Variants in DNAJC28 observed in about 807,000 individuals in gnomAD.
DNAJC28 encodes dnaJ homolog subfamily C member 28.
Under a neutral mutation model 33.3 loss-of-function variants are expected in DNAJC28, and 24 were observed. That is an observed-to-expected ratio of 0.72 (90% CI 0.52 to 1.01). The LOEUF is 1.01. DNAJC28 is among the 50% of genes least tolerant of loss of function. The pLI, the probability that DNAJC28 is intolerant of heterozygous loss-of-function variation, is 0.00. For synonymous variants in DNAJC28, 120 were observed against 147.2 expected (o/e 0.82, Z 1.34); for missense variants, 442 against 455.2 (o/e 0.97, Z 0.26).
intron 1 of DNAJC28, among the ~76,000 whole-genome samples, chr21:33,489,825 G>T (rs1405614002): frequency 8.2e-6 from 1 of 122,068 alleles, no homozygotes; most frequent in African/African-American, 3.2e-5. Context: ...ACAGGGTCTT[G>T]CTCTGTTGCC....
Position 33,488,952 on chromosome 21 carries a change from T to C in DNAJC28, c.442A>G (p.Thr148Ala), listed in dbSNP as rs1223902034. Residue 148 changes from threonine to alanine, a missense_variant, in exon 2 of 2, where the codon ACT becomes GCT. Thr to Ala is a moderately conservative substitution (Grantham distance 58). Coordinates refer to ENST00000381947, the MANE Select transcript of DNAJC28 (RefSeq NM_001040192.3). ...SFEGIGFGTP[T>A]QREKHYRQFR... ...TGCCTATAATGCTTCTCTCGTTGAG[T>C]TGGAGTCCCAAAACCAATACCTTCA... 8 of 1,613,754 alleles carry C rather than the reference T, an allele frequency of 5.0e-6. No homozygotes were observed. The highest frequency in any genetic ancestry group is 3.3e-5 in the South Asian group (3 of 91,052).
In DNAJC28 at chr21:33,488,238, G is replaced by A. The variant is rs775774536; in HGVS notation, c.1156C>T (p.Arg386Ter). Reference sequence around the variant, plus strand: ...TATGATAGTAAACATCAAAATGATCGTATTTTAATAAATTTCCACAGATTC... The same window carrying A: ...TATGATAGTAAACATCAAAATGATCATATTTTAATAAATTTCCACAGATTC... ...WMNLWKFIKI[R>*]SF is the part of the protein sequence containing the mutation. Residue 386 changes from arginine (R) to a stop codon, truncating the protein, a stop_gained, in exon 2 of 2, where the codon CGA (arginine) becomes TGA (stop). Transcript: ENST00000381947. LOFTEE classifies it high-confidence loss of function. 5.1e-5 allele frequency: 77 copies of A among 1,498,778 alleles called. No individual in the cohort carries two copies. The highest frequency in any genetic ancestry group is 1.9e-4 in the Middle Eastern group (1 of 5,342). 92.8% of individuals were successfully genotyped at this position (1,498,778 alleles called of 1,614,324 possible).
rs754017109 is a variant in DNAJC28 at position 33,488,783 on chromosome 21, A to G, written c.611T>C (p.Val204Ala). The change falls in exon 2 of 2, where the codon GTG becomes GCG. Residue 204 changes from valine to alanine, a missense_variant. Coordinates refer to ENST00000381947, the MANE Select transcript of DNAJC28 (RefSeq NM_001040192.3). ...QKITQAIERLVEDLIQESMAK... is the reference protein window; with the variant it reads ...QKITQAIERLAEDLIQESMAK... ...CATGGATTCTTGAATGAGGTCCTCCACTAAACGTTCTATAGCTTGCGTTAT... is the reference window on the plus strand; with the variant it reads ...CATGGATTCTTGAATGAGGTCCTCCGCTAAACGTTCTATAGCTTGCGTTAT... 1 of 1,613,758 alleles carries G rather than the reference A, an allele frequency of 6.2e-7. No homozygotes were observed. The highest frequency in any genetic ancestry group is 8.5e-7 in the Non-Finnish European group (1 of 1,179,956).
intron 1 of DNAJC28, 143 bp from the exon 2 acceptor site, chr21:33,489,567 C>CT (rs769632462): frequency 0.083 from 29,750 of 356,952 alleles, 912 homozygotes; most frequent in African/African-American, 0.22. Flanking sequence ...CAACTTTTTC[C>CT]TTTTTTTTTT....
In DNAJC28 at chr21:33,489,235, A is replaced by G. The variant is rs749332664; in HGVS notation, c.159T>C (p.Tyr53=). Residue 53 remains tyrosine, a synonymous_variant, in exon 2 of 2, where the codon TAT becomes TAC. Transcript: ENST00000381947. ...HKSKKKIREY[Y]RLLNVEEGCS... Reference sequence around the variant, plus strand: ...ATCCTTCCTCCACGTTCAGCAGTCTATAATATTCTCTGATCTTCTTTTTGG... The same window carrying G: ...ATCCTTCCTCCACGTTCAGCAGTCTGTAATATTCTCTGATCTTCTTTTTGG... 71 of 1,601,810 alleles carry G rather than the reference A, an allele frequency of 4.4e-5. No homozygotes were observed. The highest frequency in any genetic ancestry group is 5.7e-5 in the Non-Finnish European group (67 of 1,176,580).
chr21:33,488,530 A>T lies in DNAJC28; in HGVS notation c.864T>A (p.Thr288=). 1 of 1,612,990 alleles carries T rather than the reference A, an allele frequency of 6.2e-7. No homozygotes were observed. ...AAACATGGTTCCACTGTTTCTTTTC[A>T]GTTGGTGTCATTGGATTCCCAAGTT... ...RKKLGNPMTP[T]EKKQWNHVCE... The change falls in exon 2 of 2, where the codon ACT becomes ACA. Residue 288 remains threonine, a synonymous_variant. Coordinates refer to ENST00000381947, the MANE Select transcript of DNAJC28 (RefSeq NM_001040192.3).
rs750095576 is a variant in DNAJC28 at position 33,489,313 on chromosome 21, T to G, written c.81A>C (p.Lys27Asn). The change falls in exon 2 of 2, where the codon AAA becomes AAC. Residue 27 changes from lysine to asparagine, a missense_variant. Transcript: ENST00000381947. ...IKATVIPNRV[K>N]MLPYFGIIRN... Reference sequence around the variant, plus strand: ...TAATGATACCAAAATATGGAAGCATTTTCACTCGATTAGGAATCACTGTAG... The same window carrying G: ...TAATGATACCAAAATATGGAAGCATGTTCACTCGATTAGGAATCACTGTAG... 7 of 1,586,978 alleles carry G rather than the reference T, an allele frequency of 4.4e-6. No homozygotes were observed. In the East Asian group the frequency reaches 1.3e-4, roughly 30 times the overall value.
chr21:33,488,983 TA>T lies in DNAJC28; in HGVS notation c.410del (p.Leu137Ter). On this transcript the variant is annotated frameshift_variant, in exon 2 of 2. Transcript: ENST00000381947. LOFTEE classifies it high-confidence loss of function. ...KYKTPQHRHY[L>X]SFEGIGFGTP... The stretch of plus-strand genomic sequence containing the variant: ...TCCCAAAACCAATACCTTCAAAACT[TA>T]AATAATGTCGGTGTTGGGGTGTTTT... The T allele has an allele frequency of 6.2e-7, 1 of 1,613,924 alleles. No individual in the cohort carries two copies. The highest frequency in any genetic ancestry group is 8.5e-7 in the Non-Finnish European group (1 of 1,180,016).
In DNAJC28 at chr21:33,489,010, A is replaced by G. The variant is rs1327241901; in HGVS notation, c.384T>C (p.Tyr128=). The G allele has an allele frequency of 6.2e-7, 1 of 1,612,232 alleles. No homozygotes were observed. Residue 128 remains tyrosine (Y), a synonymous_variant, in exon 2 of 2, where the codon TAT becomes TAC. Coordinates refer to ENST00000381947, the MANE Select transcript of DNAJC28 (RefSeq NM_001040192.3). ...AATAATGTCGGTGTTGGGGTGTTTTATATTTGAATTTTTCTACATCTTCTT... is the reference window on the plus strand; with the variant it reads ...AATAATGTCGGTGTTGGGGTGTTTTGTATTTGAATTTTTCTACATCTTCTT... The part of the protein sequence containing the change: ...EEEEDVEKFK[Y]KTPQHRHYLS...
intron 1 of DNAJC28, among the ~76,000 whole-genome samples, chr21:33,489,707 G>C (rs1052248856): frequency 3.3e-5 from 5 of 151,428 alleles, no homozygotes; most frequent in African/African-American, 9.7e-5. Context: ...GCCCAGGCTG[G>C]TCTGGATATC....
At chr21:33,491,324 A>G (rs2084521453) in intron 1 of DNAJC28, 1 of 152,242 alleles carries the variant, frequency 6.6e-6, no homozygotes. Context: ...GAGACCCCCT[A>G]TTTTCTAGGC....
In DNAJC28 at chr21:33,488,577, CCTCT is replaced by C; in HGVS notation, c.813_816del (p.Glu272GlnfsTer3). 6.2e-7 allele frequency: 1 copy of C among 1,613,560 alleles called. No homozygotes were observed. ...AGTTTTTTCCTAGACACTAAAATTG[CCTCT>C]CTGAGTTGCTCAATAGTATCGCTTA... On this transcript the variant is annotated frameshift_variant, in exon 2 of 2. Coordinates refer to ENST00000381947, the MANE Select transcript of DNAJC28 (RefSeq NM_001040192.3). LOFTEE classifies it high-confidence loss of function.
In DNAJC28 at chr21:33,488,768, T is replaced by TG. The variant is rs772388148; in HGVS notation, c.625dup (p.Gln209ProfsTer10). On this transcript the variant is annotated frameshift_variant, in exon 2 of 2. Coordinates refer to ENST00000381947, the MANE Select transcript of DNAJC28 (RefSeq NM_001040192.3). LOFTEE classifies it high-confidence loss of function. The stretch of plus-strand genomic sequence containing the variant: ...AAAGTCTCCTTTTGCCATGGATTCT[T>TG]GAATGAGGTCCTCCACTAAACGTTC... 1.9e-6 allele frequency: 3 copies of TG among 1,613,276 alleles called. No homozygotes were observed. The African/African-American group carries it at 4.0e-5, about 22-fold the overall frequency.
intron 1 of DNAJC28, among the ~76,000 whole-genome samples, chr21:33,490,100 TTTTTCTTTTC>T (rs539102744): frequency 2.0e-5 from 3 of 148,606 alleles, no homozygotes; most frequent in East Asian, 2.0e-4. Context: ...GCCACATTCT[TTTTTCTTTTC>T]TTTTCTTTTC....
In DNAJC28 at chr21:33,488,636, T is replaced by C. The variant is rs1359438876; in HGVS notation, c.758A>G (p.Gln253Arg). Residue 253 changes from glutamine (Q) to arginine (R), a missense_variant, in exon 2 of 2, where the codon CAA (glutamine) becomes CGA (arginine). Physicochemically the swap from Gln to Arg is conservative, Grantham distance 43. Coordinates refer to ENST00000381947, the MANE Select transcript of DNAJC28 (RefSeq NM_001040192.3). ...LNRILIDNGY[Q>R]PEWILKQKEI... ...CTTTTGCTTAAGGATCCATTCTGGT[T>C]GGTATCCATTATCGATCAGTATTCG... 6.2e-7 allele frequency: 1 copy of C among 1,614,064 alleles called. No individual in the cohort carries two copies. Among genetic ancestry groups the C allele is most frequent in the East Asian group, 2.2e-5 (1 of 44,872 alleles).
chr21:33,488,943 C>T lies in DNAJC28; in HGVS notation c.451G>A (p.Glu151Lys). 6.2e-7 allele frequency: 1 copy of T among 1,613,812 alleles called. No homozygotes were observed. ...GCCCTAAATTGCCTATAATGCTTCTCTCGTTGAGTTGGAGTCCCAAAACCA... is the reference window on the plus strand; with the variant it reads ...GCCCTAAATTGCCTATAATGCTTCTTTCGTTGAGTTGGAGTCCCAAAACCA... ...GIGFGTPTQR[E>K]KHYRQFRADR... The change falls in exon 2 of 2, where the codon GAG becomes AAG. Residue 151 changes from glutamate (E) to lysine (K), a missense_variant. Physicochemically the swap from Glu to Lys is moderately conservative, Grantham distance 56. Coordinates refer to ENST00000381947, the MANE Select transcript of DNAJC28 (RefSeq NM_001040192.3).
At chr21:33,491,341 T>C (rs2084521628) in intron 1 of DNAJC28, 1 of 152,354 alleles carries the variant, frequency 6.6e-6, no homozygotes, top group South Asian at 2.1e-4. Flanking sequence ...AGGCAATCGG[T>C]GCCAACGGTC....
In DNAJC28 at chr21:33,488,354, G is replaced by A. The variant is rs747258791; in HGVS notation, c.1040C>T (p.Thr347Ile). The A allele has an allele frequency of 5.7e-6, 9 of 1,586,358 alleles. No homozygotes were observed. In the South Asian group the frequency reaches 1.1e-4, roughly 19 times the overall value. ...TGGGTTTCTATCTGTGACTTCTTTT[G>A]TTTTTATAAGGGTCTCGTATATTTT... ...AQKIYETLIK[T>I]KEVTDRNPNN... The change falls in exon 2 of 2, where the codon ACA (threonine) becomes ATA (isoleucine). Residue 347 changes from threonine to isoleucine, a missense_variant. Transcript: ENST00000381947.
At chr21:33,491,050 T>C (rs569142400) in intron 1 of DNAJC28, 2 of 152,310 alleles carry the variant, frequency 1.3e-5, no homozygotes, top group East Asian at 1.9e-4. Context: ...AGACGACTTA[T>C]GGACAAGGTA....
Sources: gnomAD v4.1 joint callset for allele counts (sites outside exome capture counted in the v4.1 genomes callset) on GRCh38, gnomAD v4.1.1 for gene constraint, MANE v1.5 for transcripts, NCBI Gene and HGNC (gene_info 2026-07-23, HGNC 2026-07-21) for gene names.